The following EPHB2 variants were observed in gnomAD, a reference collection of about 807,000 sequenced individuals.
The protein encoded by EPHB2 is EPH receptor B2.
In EPHB2, 18 loss-of-function variants were observed where a neutral mutation model predicts 96.4. The observed-to-expected ratio is 0.19, with a 90% CI of 0.13 to 0.28. The LOEUF is 0.28. EPHB2 is among the 10% of genes least tolerant of loss of function. The probability of loss-of-function intolerance (pLI) is 1.00; values close to 1 mark genes in which losing one functional copy is unlikely to be tolerated. For synonymous variants in EPHB2, 506 were observed against 534.1 expected (o/e 0.95, Z 0.72); for missense variants, 989 against 1,355.4 (o/e 0.73, Z 4.25).
chr1:22,828,137 C>A (rs890391479), intron 3 of EPHB2, among the ~76,000 whole-genome samples: 8 of 152,202 alleles, frequency 5.3e-5, no homozygotes, highest in Non-Finnish European at 1.2e-4. Context: ...TAGCCACCCC[C>A]ACTCAGTTCT....
chr1:22,906,974 G>A lies in EPHB2; in HGVS notation c.2136+17G>A. The A allele has an allele frequency of 6.3e-7, 1 of 1,592,080 alleles. No homozygotes were observed. Among genetic ancestry groups the A allele is most frequent in the Non-Finnish European group, 8.6e-7 (1 of 1,167,762 alleles). On this transcript the variant is annotated intron_variant, in intron 11 of 15. Transcript: ENST00000374630. The surrounding 1 kb of genome is among the most constrained non-coding windows in gnomAD (Gnocchi z 4.8). ...TTTCTCCGGGTAGGGGAAGCCAAGA[G>A]GGCCAGGGGCCCATGAATGGGGCAG...
At chr1:22,752,504 T>A (rs982400791) in intron 1 of EPHB2, among the ~76,000 whole-genome samples, 1 of 149,824 alleles carries the variant, frequency 6.7e-6, no homozygotes, top group African/African-American at 2.4e-5. Context: ...TAATAAAATA[T>A]AATAATAAAA....
In EPHB2 at chr1:22,766,394, C is replaced by T. The variant is rs528298463; in HGVS notation, c.62-15027C>T. Among the ~76,000 whole-genome samples, 10 of 152,312 alleles carry T rather than the reference C, an allele frequency of 6.6e-5. No individual in the cohort carries two copies. The South Asian group carries it at 1.0e-3, about 16-fold the overall frequency. On this transcript the variant is annotated intron_variant, in intron 1 of 15. Coordinates refer to ENST00000374630, the MANE Select transcript of EPHB2 (RefSeq NM_017449.5). The stretch of plus-strand genomic sequence containing the variant: ...TTATCCCTGTTCAAATGCAGCGTCC[C>T]GCTCATCCCACCCCACTCCAGAGGT...
chr1:22,734,654 T>G (rs909192002), intron 1 of EPHB2, among the ~76,000 whole-genome samples: 2 of 152,148 alleles, frequency 1.3e-5, no homozygotes, highest in Non-Finnish European at 2.9e-5. Flanking sequence ...ACTCCTGACC[T>G]CAGGCATCTG....
At chr1:22,862,003 T>C (rs1343209228) in intron 3 of EPHB2, among the ~76,000 whole-genome samples, 3 of 152,178 alleles carry the variant, frequency 2.0e-5, no homozygotes, top group Non-Finnish European at 4.4e-5. Context: ...ACTTACCCAT[T>C]GCACAATCTC....
At chr1:22,859,296 G>GC (rs1557717494) in intron 3 of EPHB2, among the ~76,000 whole-genome samples, 11 of 126,794 alleles carry the variant, frequency 8.7e-5, no homozygotes, top group African/African-American at 3.8e-4. Context: ...GGTGGGCCTG[G>GC]TGGGGGGGGG....
intron 11 of EPHB2, among the ~76,000 whole-genome samples, chr1:22,907,576 G>A (rs952326137): frequency 1.6e-4 from 24 of 152,346 alleles, no homozygotes; most frequent in Non-Finnish European, 1.5e-5. Context: ...CCTAACATGT[G>A]CCAGGCACCT....
chr1:22,863,525 T>C (rs1638353015), intron 4 of EPHB2, among the ~76,000 whole-genome samples: 2 of 152,352 alleles, frequency 1.3e-5, no homozygotes, highest in South Asian at 4.1e-4. Flanking sequence ...GGCTGCCCAG[T>C]GTTCTAACCT....
intron 3 of EPHB2, among the ~76,000 whole-genome samples, chr1:22,857,759 C>A (rs996506931): frequency 3.9e-5 from 6 of 152,078 alleles, no homozygotes; most frequent in Admixed American, 6.5e-5. Flanking sequence ...AATATTTTCT[C>A]ACCCACCTTC....
intron 3 of EPHB2, among the ~76,000 whole-genome samples, chr1:22,831,972 G>C (rs1645310376): frequency 6.6e-6 from 1 of 152,184 alleles, no homozygotes; most frequent in Non-Finnish European, 1.5e-5. Context: ...CCTGGAGGGA[G>C]GGGTACTGGG....
intron 1 of EPHB2, among the ~76,000 whole-genome samples, chr1:22,735,070 C>T (rs955252542): frequency 1.3e-5 from 2 of 152,148 alleles, no homozygotes; most frequent in African/African-American, 4.8e-5. Context: ...ACCTGCTCTA[C>T]CGACTCCTGT....
intron 3 of EPHB2, among the ~76,000 whole-genome samples, chr1:22,798,530 G>A (rs1042826112): frequency 2.0e-5 from 3 of 151,802 alleles, no homozygotes; most frequent in Non-Finnish European, 2.9e-5. Flanking sequence ...GCATGACCAT[G>A]TTCTGAATCT....
intron 5 of EPHB2, among the ~76,000 whole-genome samples, chr1:22,866,123 A>C (rs910197368): frequency 6.6e-6 from 1 of 152,168 alleles, no homozygotes; most frequent in Admixed American, 6.5e-5. Flanking sequence ...TGAGGGCCAC[A>C]TGAGATTATC....
At position 22,875,560 on chromosome 1, in the gene EPHB2, GC is replaced by G. The variant is rs1378493588; in HGVS notation, c.1304-6798del. Reference sequence around the variant, plus strand: ...GGTCGGTAGACTCGGGTTCCTGAGGGCGCCAGAAAAGGGGAGAATCTGTCTG... The same window carrying G: ...GGTCGGTAGACTCGGGTTCCTGAGGGGCCAGAAAAGGGGAGAATCTGTCTG... On this transcript the variant is annotated intron_variant, in intron 5 of 15. Transcript: ENST00000374630. The surrounding 1 kb of genome is among the most constrained non-coding windows in gnomAD (Gnocchi z 4.2). Among the ~76,000 whole-genome samples the G allele has an allele frequency of 6.6e-6, 1 of 152,096 alleles. No homozygotes were observed. The highest frequency in any genetic ancestry group is 1.5e-5 in the Non-Finnish European group (1 of 68,018).
intron 3 of EPHB2, among the ~76,000 whole-genome samples, chr1:22,824,231 T>TGGAA (rs1645192142): frequency 6.8e-6 from 1 of 146,234 alleles, no homozygotes; most frequent in Non-Finnish European, 1.5e-5. Context: ...GATAGATGGA[T>TGGAA]GGAAGGAAGG....
chr1:22,758,019 C>T (rs985481081), intron 1 of EPHB2, among the ~76,000 whole-genome samples: 15 of 146,642 alleles, frequency 1.0e-4, no homozygotes, highest in Non-Finnish European at 2.1e-4. Flanking sequence ...CCCGGGTTCA[C>T]GCCATTCTCC....
Position 22,913,653 on chromosome 1 carries a change from TGCA to T in EPHB2, c.*85_*87del. On this transcript the variant is annotated 3_prime_UTR_variant, in exon 16 of 16. Transcript: ENST00000374630. The surrounding 1 kb of genome is among the most constrained non-coding windows in gnomAD (Gnocchi z 4.1). ...CCGGCCCTCCTGGTGCTCTATCCAC[TGCA>T]GGGCCAGCCACTCGCCAGGAGGCCA... is the stretch of plus-strand genomic sequence containing the variant. The T allele has an allele frequency of 3.1e-6, 5 of 1,599,804 alleles. No homozygotes were observed. The highest frequency in any genetic ancestry group is 4.3e-6 in the Non-Finnish European group (5 of 1,173,902).
chr1:22,743,447 G>A (rs1257501824), intron 1 of EPHB2, among the ~76,000 whole-genome samples: 1 of 151,976 alleles, frequency 6.6e-6, no homozygotes, highest in Non-Finnish European at 1.5e-5. Flanking sequence ...CATTTGGGAG[G>A]ATTTCTGTAA....
chr1:22,833,509 A>G (rs891416444), intron 3 of EPHB2, among the ~76,000 whole-genome samples: 8 of 152,160 alleles, frequency 5.3e-5, no homozygotes, highest in African/African-American at 1.9e-4. Flanking sequence ...ACAACATACT[A>G]AAATTGTTTG....
Sources: allele counts gnomAD v4.1 joint callset (sites outside exome capture counted in the v4.1 genomes callset), GRCh38; gene constraint gnomAD v4.1.1; non-coding constraint Gnocchi (gnomAD v3.1); transcripts MANE v1.5; gene names NCBI Gene and HGNC (gene_info 2026-07-23, HGNC 2026-07-21).